NOMO1: variants seen among roughly 807,000 people sequenced by gnomAD.
NOMO1 encodes the protein NODAL modulator 1, also known as nodal modulator 3.
In NOMO1, 40 loss-of-function variants were observed where a neutral mutation model predicts 133.8. The observed-to-expected ratio is 0.30, with a 90% CI of 0.23 to 0.39. The LOEUF is 0.39. NOMO1 is among the 10% of genes least tolerant of loss of function. The pLI, the probability that NOMO1 is intolerant of heterozygous loss-of-function variation, is 1.00. For missense variants in NOMO1, 462 were observed against 1,419.9 expected (o/e 0.33, Z 10.84); for synonymous variants, 236 against 570.5 (o/e 0.41, Z 8.36).
At chr16:14,874,370 G>C (rs1964123256) in intron 18 of NOMO1, among the ~76,000 whole-genome samples, 2 of 151,834 alleles carry the variant, frequency 1.3e-5, no homozygotes, top group Non-Finnish European at 2.9e-5. Context: ...GAACATCTGA[G>C]TGAGCTTTCT....
chr16:14,866,664 A>C lies in NOMO1; in HGVS notation c.1779A>C (p.Arg593Ser). Residue 593 changes from arginine (R) to serine (S), a missense_variant, in exon 15 of 31, where the codon AGA becomes AGC. Physicochemically the swap from Arg to Ser is moderately radical, Grantham distance 110. Coordinates refer to ENST00000287667, the MANE Select transcript of NOMO1 (RefSeq NM_014287.4). ...TCAGGCAGACGGGCTACATGCTGAG[A>C]TGTTCCCTGTCTCACGCCATCACTC... ...VEFRQTGYML[R>S]CSLSHAITLE... 1 of 1,610,098 alleles carries C rather than the reference A, an allele frequency of 6.2e-7. No individual in the cohort carries two copies. Among genetic ancestry groups the C allele is most frequent in the Non-Finnish European group, 8.5e-7 (1 of 1,179,712 alleles).
At chr16:14,894,334 C>T (rs1964448766) in intron 29 of NOMO1, among the ~76,000 whole-genome samples, 1 of 152,140 alleles carries the variant, frequency 6.6e-6, no homozygotes, top group Non-Finnish European at 1.5e-5. Context: ...CCCTAGGGTC[C>T]AGCCAGGGTG....
intron 6 of NOMO1, among the ~76,000 whole-genome samples, chr16:14,851,135 A>G (rs1963753016): frequency 6.7e-6 from 1 of 150,038 alleles, no homozygotes; most frequent in Non-Finnish European, 1.5e-5. Context: ...CACATTTATA[A>G]ATAGAAGAGA....
chr16:14,884,312 T>G, intron 26 of NOMO1, 60 bp from the exon 27 acceptor site: 1 of 1,250,278 alleles, frequency 8.0e-7, no homozygotes, highest in African/African-American at 1.4e-5. Context: ...ATCGGACAGC[T>G]GGCATAGAAG....
At chr16:14,887,068 G>A (rs1221202128) in intron 28 of NOMO1, among the ~76,000 whole-genome samples, 2 of 152,062 alleles carry the variant, frequency 1.3e-5, no homozygotes, top group African/African-American at 4.8e-5. Flanking sequence ...CATGGCAGGA[G>A]ATTTTGGGAA....
chr16:14,853,855 T>C (rs2151895711), intron 8 of NOMO1, 82 bp from the exon 9 acceptor site: 1 of 1,323,758 alleles, frequency 7.6e-7, no homozygotes, highest in South Asian at 1.2e-5. Flanking sequence ...CCCTTGTCAT[T>C]TGTGGGCTGC....
intron 18 of NOMO1, among the ~76,000 whole-genome samples, chr16:14,874,106 AC>A (rs562228905): frequency 0.01 from 1,463 of 142,612 alleles, 38 homozygotes; most frequent in African/African-American, 0.034. Context: ...CCCTGGTCTG[AC>A]CCCCCTCTGG....
intron 12 of NOMO1, 98 bp from the exon 13 acceptor site, chr16:14,864,487 C>G (rs1963962233): frequency 3.2e-6 from 5 of 1,556,354 alleles, no homozygotes; most frequent in Non-Finnish European, 8.7e-7. Flanking sequence ...TTCAAAATCT[C>G]TTTAGCCTTG....
At chr16:14,862,108 T>G (rs1227079115) in intron 11 of NOMO1, among the ~76,000 whole-genome samples, 1 of 151,920 alleles carries the variant, frequency 6.6e-6, no homozygotes, top group Non-Finnish European at 1.5e-5. Flanking sequence ...CAACATTTAA[T>G]GTACCCCTAA....
At chr16:14,873,922 C>CT (rs1401186060) in intron 18 of NOMO1, among the ~76,000 whole-genome samples, 1 of 151,706 alleles carries the variant, frequency 6.6e-6, no homozygotes, top group Non-Finnish European at 1.5e-5. Context: ...ATTCTTATTT[C>CT]CCTTGAACCC....
chr16:14,894,823 A>C (rs561236584), intron 29 of NOMO1, among the ~76,000 whole-genome samples, 175 bp from the exon 30 acceptor site: 1 of 152,368 alleles, frequency 6.6e-6, no homozygotes, highest in East Asian at 1.9e-4. Flanking sequence ...ATGGGAAAAT[A>C]TATCCAAATC....
In NOMO1 at chr16:14,889,215, G is replaced by A. The variant is rs201319907; in HGVS notation, c.3444G>A (p.Thr1148=). 1.4e-5 allele frequency: 22 copies of A among 1,611,256 alleles called. 1 individual carries two copies. Among genetic ancestry groups the A allele is most frequent in the Non-Finnish European group, 1.7e-5 (20 of 1,179,754 alleles). The change falls in exon 29 of 31, where the codon ACG becomes ACA. Residue 1148 remains threonine (T), a splice_region_variant and synonymous_variant. Coordinates refer to ENST00000287667, the MANE Select transcript of NOMO1 (RefSeq NM_014287.4). ...ACATCACCTTGATTTTTAATCCCAC[G>A]GTAAGTAAAAGAGGGAGTTAAAAAA... ...HKHITLIFNP[T]RKLPEQDIAQ... is the part of the protein sequence containing the mutation.
chr16:14,893,515 T>C (rs1352862383), intron 29 of NOMO1, among the ~76,000 whole-genome samples: 1 of 151,966 alleles, frequency 6.6e-6, no homozygotes, highest in African/African-American at 2.4e-5. Context: ...AGTGTTTACT[T>C]CAGTGGAAAA....
Position 14,839,050 on chromosome 16 carries a change from G to T in NOMO1, c.255+554G>T, listed in dbSNP as rs1238290157. On this transcript the variant is annotated intron_variant, in intron 2 of 30. Transcript: ENST00000287667. Reference sequence around the variant, plus strand: ...TGATAATCTGATAAAGGGTTTTTTTGTTGTTTTTTTTTTTCTTCTTTTGAG... The same window carrying T: ...TGATAATCTGATAAAGGGTTTTTTTTTTGTTTTTTTTTTTCTTCTTTTGAG... Among the ~76,000 whole-genome samples, 23 of 151,308 alleles carry T rather than the reference G, an allele frequency of 1.5e-4. 1 individual carries two copies. Among genetic ancestry groups the T allele is most frequent in the South Asian group, 6.3e-4 (3 of 4,770 alleles).
At chr16:14,874,156 C>T (rs993308191) in intron 18 of NOMO1, among the ~76,000 whole-genome samples, 6 of 151,094 alleles carry the variant, frequency 4.0e-5, no homozygotes, top group Non-Finnish European at 5.9e-5. Flanking sequence ...TTCCTGTTTC[C>T]GCCATTGCTT....
At chr16:14,893,461 C>T (rs1964435219) in intron 29 of NOMO1, among the ~76,000 whole-genome samples, 1 of 151,892 alleles carries the variant, frequency 6.6e-6, no homozygotes. Flanking sequence ...GCTGGGATTA[C>T]AGGCGTGAGC....
chr16:14,889,561 C>G (rs1181253304), intron 29 of NOMO1, among the ~76,000 whole-genome samples: 2 of 151,870 alleles, frequency 1.3e-5, no homozygotes. Flanking sequence ...CAAAACAAAA[C>G]CAAACAATCC....
intron 11 of NOMO1, among the ~76,000 whole-genome samples, chr16:14,859,358 C>T (rs557378889): frequency 1.3e-5 from 2 of 152,128 alleles, no homozygotes; most frequent in Admixed American, 6.5e-5. Flanking sequence ...AAATTACCCT[C>T]AGAAAGTAAT....
At chr16:14,866,273 T>C (rs1963993345) in intron 14 of NOMO1, among the ~76,000 whole-genome samples, 1 of 150,052 alleles carries the variant, frequency 6.7e-6, no homozygotes, top group Non-Finnish European at 1.5e-5. Context: ...TTGGTCAGAC[T>C]GGTCTTGAAC....
Sources: allele counts gnomAD v4.1 joint callset (sites outside exome capture counted in the v4.1 genomes callset), GRCh38; gene constraint gnomAD v4.1.1; transcripts MANE v1.5; gene names NCBI Gene and HGNC (gene_info 2026-07-23, HGNC 2026-07-21).